Variants in SLIT3 observed in about 807,000 individuals in gnomAD.
The protein encoded by SLIT3 is slit homolog 3 protein.
A neutral mutation model predicts 184.0 loss-of-function variants in SLIT3; 68 were observed. The ratio of observed to expected loss-of-function variants is 0.37; its 90% confidence interval spans 0.30 to 0.45. The LOEUF (loss-of-function observed/expected upper bound fraction) is 0.45, where lower values mean the gene tolerates loss of function less well. SLIT3 is among the 20% of genes least tolerant of loss of function. The probability of loss-of-function intolerance (pLI) is 1.00; values close to 1 mark genes in which losing one functional copy is unlikely to be tolerated. For synonymous variants in SLIT3, 831 were observed against 828.6 expected, an observed-to-expected ratio of 1.00 and a Z score of -0.05; for missense variants, 1,707 against 2,026.0, an observed-to-expected ratio of 0.84 and a Z score of 3.02.
intron 11 of SLIT3, among the ~76,000 whole-genome samples, chr5:168,788,639 G>A (rs1756246419): frequency 6.6e-6 from 1 of 151,062 alleles, no homozygotes. Context: ...ACAGTTTGTG[G>A]TACTAGGGAT....
intron 6 of SLIT3, among the ~76,000 whole-genome samples, chr5:168,827,409 A>G (rs1025925410): frequency 3.3e-5 from 5 of 151,904 alleles, no homozygotes; most frequent in African/African-American, 4.8e-5. Context: ...CGTCACTTCA[A>G]CCTCTTCTTT....
intron 6 of SLIT3, among the ~76,000 whole-genome samples, chr5:168,824,315 G>A (rs1561952970): frequency 3.3e-5 from 5 of 152,256 alleles, no homozygotes; most frequent in African/African-American, 4.8e-5. Flanking sequence ...GACCATGAAC[G>A]GAGCTCCTAC....
intron 1 of SLIT3, among the ~76,000 whole-genome samples, chr5:169,272,879 T>C (rs1766676623): frequency 6.6e-6 from 1 of 151,960 alleles, no homozygotes; most frequent in Non-Finnish European, 1.5e-5. Context: ...CTTTCCCCTT[T>C]CTCTTCTTGT....
chr5:168,749,398 T>C (rs1236952497), intron 19 of SLIT3, 74 bp downstream of exon 19: 1 of 1,548,382 alleles, frequency 6.5e-7, no homozygotes, highest in Non-Finnish European at 8.9e-7. Context: ...AGGGAGTATC[T>C]GATTGTGCAT....
chr5:168,906,541 G>A (rs1031292298), intron 4 of SLIT3, among the ~76,000 whole-genome samples: 2 of 152,186 alleles, frequency 1.3e-5, no homozygotes, highest in African/African-American at 4.8e-5. Context: ...TTGAATGCAA[G>A]TGCATCAGAA....
chr5:169,063,630 A>G (rs979314990), intron 4 of SLIT3, among the ~76,000 whole-genome samples: 1 of 152,168 alleles, frequency 6.6e-6, no homozygotes, highest in African/African-American at 2.4e-5. Flanking sequence ...AAACAGGGAG[A>G]TCCTAGTGAA....
intron 4 of SLIT3, among the ~76,000 whole-genome samples, chr5:168,928,302 C>T (rs1451421534): frequency 6.6e-6 from 1 of 152,104 alleles, no homozygotes; most frequent in Non-Finnish European, 1.5e-5. Context: ...TTTTAATATG[C>T]TAGTTATATT....
chr5:168,886,500 C>T (rs1324494246), intron 4 of SLIT3, among the ~76,000 whole-genome samples: 2 of 152,172 alleles, frequency 1.3e-5, no homozygotes, highest in Non-Finnish European at 2.9e-5. Flanking sequence ...CAAAATCTAT[C>T]CACGATGCCC....
intron 26 of SLIT3, among the ~76,000 whole-genome samples, chr5:168,704,485 G>A (rs578261587): frequency 6.6e-6 from 1 of 152,202 alleles, no homozygotes. Flanking sequence ...TAGAGACTTT[G>A]TTGCAAGAGA....
At chr5:168,874,403 A>T (rs1424643365) in intron 5 of SLIT3, among the ~76,000 whole-genome samples, 2 of 152,176 alleles carry the variant, frequency 1.3e-5, no homozygotes. Context: ...CAAGTCATTT[A>T]TTCCTTCGCT....
chr5:168,910,479 C>G (rs1374233736), intron 4 of SLIT3, among the ~76,000 whole-genome samples: 1 of 152,120 alleles, frequency 6.6e-6, no homozygotes, highest in Admixed American at 6.5e-5. Context: ...CGTGGTGGCT[C>G]ACGCCTGTAA....
chr5:168,682,945 AT>A (rs1161513785), intron 32 of SLIT3, among the ~76,000 whole-genome samples: 5 of 152,040 alleles, frequency 3.3e-5, no homozygotes, highest in African/African-American at 1.2e-4. Context: ...AAAAATATTT[AT>A]AACTAAATTT....
At chr5:169,044,587 TGG>T (rs57256659) in intron 4 of SLIT3, among the ~76,000 whole-genome samples, 9 of 70,714 alleles carry the variant, frequency 1.3e-4, no homozygotes, top group South Asian at 6.2e-4. Flanking sequence ...TGGAGGAAGG[TGG>T]GGGGGGGGAT....
chr5:168,796,992 G>A (rs1292357039), intron 9 of SLIT3, among the ~76,000 whole-genome samples: 2 of 151,902 alleles, frequency 1.3e-5, no homozygotes, highest in Non-Finnish European at 2.9e-5. Context: ...CTTGGCTGCC[G>A]GATGAATAGA....
intron 4 of SLIT3, among the ~76,000 whole-genome samples, chr5:169,184,017 C>T (rs1763251394): frequency 6.6e-6 from 1 of 152,158 alleles, no homozygotes. Context: ...TTCTGCTGGC[C>T]CACAGGGCTG....
At chr5:168,667,688 G>A (rs1370127074) in intron 35 of SLIT3, 2 of 152,236 alleles carry the variant, frequency 1.3e-5, no homozygotes, top group East Asian at 3.8e-4. Flanking sequence ...CTGCAAAGTG[G>A]TAACACATTT....
At chr5:168,923,145 T>C (rs1378223196) in intron 4 of SLIT3, among the ~76,000 whole-genome samples, 1 of 152,092 alleles carries the variant, frequency 6.6e-6, no homozygotes, top group Non-Finnish European at 1.5e-5. Flanking sequence ...GGTGAATCCA[T>C]ACACTGAAGA....
intron 1 of SLIT3, among the ~76,000 whole-genome samples, chr5:169,264,458 G>A (rs986393540): frequency 2.6e-5 from 4 of 152,114 alleles, no homozygotes; most frequent in East Asian, 1.9e-4. Context: ...AATTACAGGC[G>A]TGAGCCACCG....
chr5:169,244,604 T>A (rs932002042), intron 3 of SLIT3, 101 bp downstream of exon 3: 18 of 988,020 alleles, frequency 1.8e-5, no homozygotes, highest in Non-Finnish European at 2.8e-5. Flanking sequence ...AGACCTTTTT[T>A]AACAAGGTTA....
Sources: gnomAD v4.1 joint callset for allele counts (sites outside exome capture counted in the v4.1 genomes callset) on GRCh38, gnomAD v4.1.1 for gene constraint, MANE v1.5 for transcripts, NCBI Gene and HGNC (gene_info 2026-07-23, HGNC 2026-07-21) for gene names.